WDR33: variants seen among roughly 807,000 people sequenced by gnomAD.
The protein encoded by WDR33 is WD repeat domain 33.
Under a neutral mutation model 164.9 loss-of-function variants are expected in WDR33, and 47 were observed. The observed-to-expected ratio is 0.29, with a 90% CI of 0.23 to 0.36. The LOEUF (loss-of-function observed/expected upper bound fraction) is 0.36, where lower values mean the gene tolerates loss of function less well. WDR33 is among the 10% of genes least tolerant of loss of function. The pLI is 1.00. For missense variants in WDR33, 1,137 were observed against 1,754.1 expected (o/e 0.65, Z 6.28); for synonymous variants, 505 against 589.0 (o/e 0.86, Z 2.06).
Position 127,722,513 on chromosome 2 carries a change from T to C in WDR33, c.1518+78A>G. Reference sequence around the variant, plus strand: ...TCCAGTACAGAAACACCTTCAACAGTGAGATAATCCAAGAGAAACCTCAAA... The same window carrying C: ...TCCAGTACAGAAACACCTTCAACAGCGAGATAATCCAAGAGAAACCTCAAA... On this transcript the variant is annotated intron_variant, in intron 14 of 21. Coordinates refer to ENST00000322313, the MANE Select transcript of WDR33 (RefSeq NM_018383.5). This position sits in a 1 kb window ranked among gnomAD's most constrained non-coding sequence, Gnocchi z 5.1. The C allele has an allele frequency of 4.5e-6, 7 of 1,551,874 alleles. No homozygotes were observed. In the East Asian group the frequency reaches 1.4e-4, roughly 30 times the overall value.
At chr2:127,746,041 TAA>T (rs59854828) in intron 7 of WDR33, among the ~76,000 whole-genome samples, 60 of 99,868 alleles carry the variant, frequency 6.0e-4, no homozygotes, top group Middle Eastern at 5.4e-3. Context: ...ATAAAATAAT[TAA>T]AAAAAAAAAA....
At chr2:127,725,801 G>C (rs936981424) in intron 8 of WDR33, among the ~76,000 whole-genome samples, 4 of 151,092 alleles carry the variant, frequency 2.6e-5, no homozygotes, top group Non-Finnish European at 5.9e-5. Flanking sequence ...AGCTTCCACT[G>C]AACAGTAAAA....
At chr2:127,743,633 G>C (rs1188552095) in intron 7 of WDR33, among the ~76,000 whole-genome samples, 2 of 152,188 alleles carry the variant, frequency 1.3e-5, no homozygotes, top group African/African-American at 2.4e-5. Context: ...AAGACAAACG[G>C]CAGAAGTGGA....
chr2:127,788,655 C>A (rs1390505649), intron 1 of WDR33, among the ~76,000 whole-genome samples: 3 of 147,554 alleles, frequency 2.0e-5, no homozygotes, highest in African/African-American at 5.0e-5. Flanking sequence ...GGGGGCTGAC[C>A]CCCCCACCTC....
rs369629841 is a variant in WDR33, at chr2:127,727,240, C to G, written c.725-463G>C. Reference sequence around the variant, plus strand: ...CACCATTTAGGAATTTAGGACACCACTTTCTAGATGGAATGACAGGAAAAG... The same window carrying G: ...CACCATTTAGGAATTTAGGACACCAGTTTCTAGATGGAATGACAGGAAAAG... On this transcript the variant is annotated intron_variant, in intron 7 of 21. Transcript: ENST00000322313. Among the ~76,000 whole-genome samples the G allele has an allele frequency of 4.3e-4, 65 of 152,288 alleles. 1 individual carries two copies. The highest frequency in any genetic ancestry group is 2.5e-3 in the South Asian group (12 of 4,824).
intron 7 of WDR33, among the ~76,000 whole-genome samples, chr2:127,728,767 G>C (rs911044675): frequency 1.3e-5 from 2 of 151,906 alleles, no homozygotes; most frequent in East Asian, 3.8e-4. Flanking sequence ...ATCAAATTTG[G>C]GATTATGAGA....
In WDR33 at chr2:127,726,854, T is replaced by C; in HGVS notation, c.725-77A>G. 1.3e-6 allele frequency: 2 copies of C among 1,564,608 alleles called. No homozygotes were observed. The highest frequency in any genetic ancestry group is 1.7e-6 in the Non-Finnish European group (2 of 1,150,970). On this transcript the variant is annotated intron_variant, in intron 7 of 21. Coordinates refer to ENST00000322313, the MANE Select transcript of WDR33 (RefSeq NM_018383.5). This position sits in a 1 kb window ranked among gnomAD's most constrained non-coding sequence, Gnocchi z 4.8. ...CAATTTAAACCAAAGTAGAGAAACC[T>C]AGTAAATGTTTTGCTCTCAGTGCTC... is the stretch of plus-strand genomic sequence containing the variant.
In WDR33 at chr2:127,702,274, C is replaced by G. The variant is rs1030363901; in HGVS notation, c.*4049G>C. ...GACTGCACGCCGCTGTGCGGAAGCC[C>G]GTGGCGAAGGCCCTGCCCTAACAGC... On this transcript the variant is annotated 3_prime_UTR_variant, in exon 22 of 22. Coordinates refer to ENST00000322313, the MANE Select transcript of WDR33 (RefSeq NM_018383.5). 70 of 1,107,048 alleles carry G rather than the reference C, an allele frequency of 6.3e-5. No individual in the cohort carries two copies. Among genetic ancestry groups the G allele is most frequent in the Non-Finnish European group, 6.4e-5 (57 of 887,792 alleles). 68.6% of individuals were successfully genotyped at this position (1,107,048 alleles called of 1,614,324 possible). A position where few individuals can be genotyped will look rare whatever the true frequency, so the allele number is the denominator to read the frequency against.
At chr2:127,779,507 G>A (rs576870261) in intron 1 of WDR33, among the ~76,000 whole-genome samples, 18 of 152,014 alleles carry the variant, frequency 1.2e-4, no homozygotes, top group South Asian at 4.2e-4. Flanking sequence ...ATAGAACTGC[G>A]CATTTGAAAG....
rs552063574 is a variant in WDR33 at position 127,763,622 on chromosome 2, T to G, written c.627-463A>C. ...CAATGTGGGCTGTCTATTAAAAGAC[T>G]GATTGCTAAACATCCCTACATACAA... is the stretch of plus-strand genomic sequence containing the variant. On this transcript the variant is annotated intron_variant, in intron 6 of 21. Transcript: ENST00000322313. The surrounding 1 kb of genome is among the most constrained non-coding windows in gnomAD (Gnocchi z 4.5). 16 of 991,468 alleles carry G rather than the reference T, an allele frequency of 1.6e-5. No homozygotes were observed. Among genetic ancestry groups the G allele is most frequent in the Non-Finnish European group, 1.9e-5 (16 of 833,760 alleles). 61.4% of individuals were successfully genotyped at this position (991,468 alleles called of 1,614,324 possible).
At position 127,725,000 on chromosome 2, in the gene WDR33, T is replaced by C. The variant is rs374261719; in HGVS notation, c.1007-35A>G. 4 of 1,614,076 alleles carry C rather than the reference T, an allele frequency of 2.5e-6. No homozygotes were observed. The highest frequency in any genetic ancestry group is 3.4e-6 in the Non-Finnish European group (4 of 1,180,030). The stretch of plus-strand genomic sequence containing the variant: ...AAAAACATGGGAAAAGACACAATTA[T>C]CAGGATCTGAGAATGTTACAGGTAA... On this transcript the variant is annotated intron_variant, in intron 9 of 21. Coordinates refer to ENST00000322313, the MANE Select transcript of WDR33 (RefSeq NM_018383.5). This position sits in a 1 kb window ranked among gnomAD's most constrained non-coding sequence, Gnocchi z 4.8.
chr2:127,768,364 G>A, intron 3 of WDR33, 71 bp from the exon 4 acceptor site: 4 of 869,154 alleles, frequency 4.6e-6, no homozygotes, highest in East Asian at 6.1e-5. Context: ...AACACGGCAA[G>A]GTAATTATTT....
At chr2:127,746,894 C>A (rs1467393956) in intron 7 of WDR33, among the ~76,000 whole-genome samples, 1 of 152,126 alleles carries the variant, frequency 6.6e-6, no homozygotes, top group Non-Finnish European at 1.5e-5. Context: ...ATACTTATTA[C>A]AAATAGACTT....
At position 127,726,564 on chromosome 2, in the gene WDR33, C is replaced by T. The variant is rs1323369885; in HGVS notation, c.851+87G>A. The T allele has an allele frequency of 6.5e-7, 1 of 1,529,584 alleles. No homozygotes were observed. Among genetic ancestry groups the T allele is most frequent in the Non-Finnish European group, 8.8e-7 (1 of 1,136,988 alleles). The allele number at this position is 1,529,584 out of a possible 1,614,324, so 94.8% of individuals were successfully genotyped here. On this transcript the variant is annotated intron_variant, in intron 8 of 21. Transcript: ENST00000322313. The surrounding 1 kb of genome is among the most constrained non-coding windows in gnomAD (Gnocchi z 4.8). ...TGCCTAAATGACTCTTCCAGAAATA[C>T]ATAAGAGAAAACAAAGCTAAAAGTT...
At position 127,711,770 on chromosome 2, in the gene WDR33, A is replaced by ATTTTTTTTTTTT. The variant is rs1220888579; in HGVS notation, c.3308+1812_3308+1813insAAAAAAAAAAAA. On this transcript the variant is annotated intron_variant, in intron 18 of 21. Coordinates refer to ENST00000322313, the MANE Select transcript of WDR33 (RefSeq NM_018383.5). ...TATACAGATATATATATATATATAT[A>ATTTTTTTTTTTT]TATATATATATTTTTTTTTTGAGAC... 5.7e-4 allele frequency among the ~76,000 whole-genome samples: 44 copies of ATTTTTTTTTTTT among 77,872 alleles called. 2 individuals are homozygous for ATTTTTTTTTTTT. The highest frequency in any genetic ancestry group is 8.3e-4 in the African/African-American group (10 of 12,074). The allele number at this position is 77,872 out of a possible 152,430, so 51.1% of individuals were successfully genotyped here. A position where few individuals can be genotyped will look rare whatever the true frequency, so the allele number is the denominator to read the frequency against.
At chr2:127,748,923 C>G (rs893808308) in intron 7 of WDR33, among the ~76,000 whole-genome samples, 3 of 147,860 alleles carry the variant, frequency 2.0e-5, no homozygotes, top group Non-Finnish European at 4.5e-5. Context: ...ACCTTAACTA[C>G]TGGAATTATC....
At chr2:127,756,334 CAAAA>C (rs57883631) in intron 7 of WDR33, among the ~76,000 whole-genome samples, 4 of 109,712 alleles carry the variant, frequency 3.6e-5, no homozygotes, top group Non-Finnish European at 7.7e-5. Flanking sequence ...ATTCCAACTC[CAAAA>C]AAAAAAAAAA....
chr2:127,751,330 C>G (rs1384958417), intron 7 of WDR33, among the ~76,000 whole-genome samples: 2 of 150,774 alleles, frequency 1.3e-5, no homozygotes, highest in Non-Finnish European at 2.9e-5. Context: ...CACTGCACTC[C>G]AGCCTGAGTG....
chr2:127,791,173 C>A (rs111373727), intron 1 of WDR33, among the ~76,000 whole-genome samples: 1 of 119,060 alleles, frequency 8.4e-6, no homozygotes, highest in Non-Finnish European at 1.8e-5. Context: ...CACCCCCCCC[C>A]CCAGCAACTG....
Sources: gnomAD v4.1 joint callset for allele counts (sites outside exome capture counted in the v4.1 genomes callset) on GRCh38, gnomAD v4.1.1 for gene constraint, Gnocchi (gnomAD v3.1) non-coding constraint, MANE v1.5 for transcripts, NCBI Gene and HGNC (gene_info 2026-07-23, HGNC 2026-07-21) for gene names.